The following PTPRG variants were observed in gnomAD, a reference collection of about 807,000 sequenced individuals.
PTPRG encodes the protein protein tyrosine phosphatase receptor type G, also known as receptor-type tyrosine-protein phosphatase gamma.
A neutral mutation model predicts 165.3 loss-of-function variants in PTPRG; 102 were observed. The ratio of observed to expected loss-of-function variants is 0.62; its 90% confidence interval spans 0.53 to 0.73. PTPRG has a LOEUF of 0.73. Ranked by LOEUF, PTPRG falls within the 30% of genes least tolerant of loss-of-function variation. PTPRG has a pLI of 0.00. For missense variants in PTPRG, 1,866 were observed against 1,861.4 expected (o/e 1.00, Z -0.05); for synonymous variants, 675 against 669.5 (o/e 1.01, Z -0.13).
At chr3:62,071,076 T>G (rs1001273504) in intron 4 of PTPRG, among the ~76,000 whole-genome samples, 2 of 152,192 alleles carry the variant, frequency 1.3e-5, no homozygotes, top group Non-Finnish European at 2.9e-5. Flanking sequence ...CTCATCTCCA[T>G]CTGTTCTTTT....
chr3:62,172,871 A>G (rs1196976870), intron 8 of PTPRG, among the ~76,000 whole-genome samples: 3 of 152,266 alleles, frequency 2.0e-5, no homozygotes, highest in Non-Finnish European at 2.9e-5. Context: ...ATGATGTTTT[A>G]TGCATTCATC....
intron 6 of PTPRG, among the ~76,000 whole-genome samples, chr3:62,141,614 A>G (rs1043821172): frequency 6.6e-6 from 1 of 151,780 alleles, no homozygotes; most frequent in African/African-American, 2.4e-5. Flanking sequence ...AAAAGAAGAC[A>G]TGTGGCTGGC....
intron 1 of PTPRG, among the ~76,000 whole-genome samples, chr3:61,611,049 G>A (rs4589930): frequency 3.3e-5 from 5 of 152,096 alleles, no homozygotes; most frequent in African/African-American, 1.2e-4. Context: ...TGATCCTCCT[G>A]TCTTGGCCTC....
At position 61,792,372 on chromosome 3, in the gene PTPRG, C is replaced by T. The variant is rs1385618151; in HGVS notation, c.190+43390C>T. Among the ~76,000 whole-genome samples, 4 of 151,908 alleles carry T rather than the reference C, an allele frequency of 2.6e-5. No homozygotes were observed. The South Asian group carries it at 6.2e-4, about 24-fold the overall frequency. ...CTCCGTAGCTGGGACTGCAGGTGTG[C>T]GCCACCATGCCCAGCTAATATTTTT... On this transcript the variant is annotated intron_variant, in intron 2 of 29. Coordinates refer to ENST00000474889, the MANE Select transcript of PTPRG (RefSeq NM_002841.4).
chr3:62,168,199 T>C, intron 8 of PTPRG, 36 bp downstream of exon 8: 1 of 1,537,078 alleles, frequency 6.5e-7, no homozygotes, highest in Non-Finnish European at 8.8e-7. Flanking sequence ...CAGAGGAAGA[T>C]TCCTTATCAT....
chr3:61,680,094 G>C (rs928075132), intron 1 of PTPRG, among the ~76,000 whole-genome samples: 14 of 152,158 alleles, frequency 9.2e-5, no homozygotes, highest in Admixed American at 9.2e-4. Context: ...AGTTGGGCCA[G>C]AACAGAACAA....
intron 2 of PTPRG, among the ~76,000 whole-genome samples, chr3:61,910,550 TC>T (rs1354653750): frequency 6.6e-6 from 1 of 152,200 alleles, no homozygotes; most frequent in Non-Finnish European, 1.5e-5. Context: ...TCCAATTTGT[TC>T]CTGTTCCTTT....
At chr3:61,761,632 G>A (rs901095326) in intron 2 of PTPRG, among the ~76,000 whole-genome samples, 13 of 152,246 alleles carry the variant, frequency 8.5e-5, no homozygotes, top group South Asian at 2.1e-4. Context: ...CTGGCATGGC[G>A]TGGTATCTCA....
At chr3:62,038,454 G>C (rs1167353995) in intron 4 of PTPRG, among the ~76,000 whole-genome samples, 1 of 152,148 alleles carries the variant, frequency 6.6e-6, no homozygotes, top group Non-Finnish European at 1.5e-5. Context: ...TTGGAGTGCA[G>C]TGGTGTAATC....
At chr3:61,851,154 C>T (rs1030717775) in intron 2 of PTPRG, among the ~76,000 whole-genome samples, 2 of 152,156 alleles carry the variant, frequency 1.3e-5, no homozygotes, top group African/African-American at 4.8e-5. Context: ...TTGCAAACAA[C>T]TGAAGGCTGC....
At chr3:62,231,352 C>A in intron 14 of PTPRG, 41 bp downstream of exon 14, 2 of 1,490,542 alleles carry the variant, frequency 1.3e-6, no homozygotes, top group South Asian at 1.4e-5. Context: ...GTCTTGATGG[C>A]CGGGACTGGC....
At chr3:62,220,723 A>T (rs1432923513) in intron 13 of PTPRG, among the ~76,000 whole-genome samples, 1 of 152,194 alleles carries the variant, frequency 6.6e-6, no homozygotes, top group African/African-American at 2.4e-5. Flanking sequence ...TTTGAAGCCC[A>T]TTGGTAAACT....
intron 6 of PTPRG, among the ~76,000 whole-genome samples, chr3:62,142,645 C>T (rs2106647053): frequency 6.6e-6 from 1 of 152,266 alleles, no homozygotes; most frequent in African/African-American, 2.4e-5. Context: ...ACCATAACTA[C>T]CCCTGACAGG....
chr3:61,895,570 G>C (rs1310291100), intron 2 of PTPRG, among the ~76,000 whole-genome samples: 1 of 152,198 alleles, frequency 6.6e-6, no homozygotes, highest in Non-Finnish European at 1.5e-5. Flanking sequence ...CATGTCTTAA[G>C]ACAGAGTAGG....
At position 61,581,679 on chromosome 3, in the gene PTPRG, G is replaced by A. The variant is rs1046175087; in HGVS notation, c.85+19307G>A. On this transcript the variant is annotated intron_variant, in intron 1 of 29. Coordinates refer to ENST00000474889, the MANE Select transcript of PTPRG (RefSeq NM_002841.4). ...GGCTGGAGCGCAGTGGCACAATCTC[G>A]GCTCCCTGCAACCTCTGCTTCCCAG... 2.0e-5 allele frequency among the ~76,000 whole-genome samples: 3 copies of A among 148,042 alleles called. No individual in the cohort carries two copies. The East Asian group carries it at 6.0e-4, about 30-fold the overall frequency.
At chr3:61,849,078 G>A (rs1187266761) in intron 2 of PTPRG, among the ~76,000 whole-genome samples, 1 of 152,006 alleles carries the variant, frequency 6.6e-6, no homozygotes, top group East Asian at 1.9e-4. Flanking sequence ...TTTGCAGTTG[G>A]GACAAACCCA....
At chr3:61,847,391 C>T (rs753487926) in intron 2 of PTPRG, among the ~76,000 whole-genome samples, 10 of 152,152 alleles carry the variant, frequency 6.6e-5, no homozygotes, top group Non-Finnish European at 8.8e-5. Context: ...GAGAAGGGCC[C>T]AGTGCTGCTG....
intron 6 of PTPRG, among the ~76,000 whole-genome samples, chr3:62,141,074 A>G (rs1266203083): frequency 6.6e-6 from 1 of 152,162 alleles, no homozygotes; most frequent in Non-Finnish European, 1.5e-5. Context: ...AATTTCCCAA[A>G]TATATTGCTT....
chr3:62,260,455 A>G (rs1292712605), intron 16 of PTPRG, among the ~76,000 whole-genome samples: 2 of 152,088 alleles, frequency 1.3e-5, no homozygotes, highest in Non-Finnish European at 2.9e-5. Context: ...TTCTCGTTAC[A>G]TCAATTTTTA....
Sources: allele counts gnomAD v4.1 joint callset (sites outside exome capture counted in the v4.1 genomes callset), GRCh38; gene constraint gnomAD v4.1.1; transcripts MANE v1.5; gene names NCBI Gene and HGNC (gene_info 2026-07-23, HGNC 2026-07-21).